Variants in GALNTL6 observed in about 807,000 individuals in gnomAD.
The protein encoded by GALNTL6 is polypeptide N-acetylgalactosaminyltransferase like 6.
In GALNTL6, 46 loss-of-function variants were observed where a neutral mutation model predicts 73.7. That is an observed-to-expected ratio of 0.62 (90% confidence interval 0.49 to 0.80). The LOEUF (loss-of-function observed/expected upper bound fraction) is 0.80, where lower values mean the gene tolerates loss of function less well. Ranked by LOEUF, GALNTL6 falls within the 30% of genes least tolerant of loss-of-function variation. The pLI, the probability that GALNTL6 is intolerant of heterozygous loss-of-function variation, is 0.00. For missense variants in GALNTL6, 604 were observed against 755.0 expected, an observed-to-expected ratio of 0.80 and a Z score of 2.34; for synonymous variants, 259 against 263.7, an observed-to-expected ratio of 0.98 and a Z score of 0.17.
chr4:171,933,932 G>GT (rs1738263968), intron 2 of GALNTL6, among the ~76,000 whole-genome samples: 1 of 152,198 alleles, frequency 6.6e-6, no homozygotes, highest in African/African-American at 2.4e-5. Context: ...ATAGACTATA[G>GT]TTTTTTCTCT....
intron 5 of GALNTL6, among the ~76,000 whole-genome samples, chr4:172,613,119 A>G (rs534371186): frequency 1.4e-4 from 21 of 152,278 alleles, no homozygotes; most frequent in South Asian, 4.1e-4. Context: ...AAGGTAGATA[A>G]GGCCTCAGCC....
intron 5 of GALNTL6, among the ~76,000 whole-genome samples, chr4:172,628,982 T>A (rs930718849): frequency 6.6e-6 from 1 of 152,198 alleles, no homozygotes; most frequent in African/African-American, 2.4e-5. Flanking sequence ...TGACCTCGTA[T>A]ATGCCACAAA....
At chr4:172,929,004 A>T (rs963761087) in intron 8 of GALNTL6, among the ~76,000 whole-genome samples, 1 of 152,144 alleles carries the variant, frequency 6.6e-6, no homozygotes, top group Non-Finnish European at 1.5e-5. Flanking sequence ...AGATCCTGGG[A>T]CAGGTGTTTA....
At chr4:172,869,076 C>A (rs539485756) in intron 7 of GALNTL6, among the ~76,000 whole-genome samples, 2 of 152,156 alleles carry the variant, frequency 1.3e-5, no homozygotes, top group South Asian at 2.1e-4. Flanking sequence ...TAATTGATTT[C>A]TTTGCTGTAT....
chr4:172,016,753 T>TAAGA (rs1741209194), intron 2 of GALNTL6, among the ~76,000 whole-genome samples: 1 of 134,828 alleles, frequency 7.4e-6, no homozygotes, highest in Admixed American at 7.2e-5. Flanking sequence ...ATTTTTCTTT[T>TAAGA]AATTTAATTT....
chr4:171,959,993 T>C (rs1739174594), intron 2 of GALNTL6, among the ~76,000 whole-genome samples: 1 of 152,194 alleles, frequency 6.6e-6, no homozygotes, highest in African/African-American at 2.4e-5. Flanking sequence ...GGAGAACATA[T>C]CTGAACAATT....
At chr4:172,856,359 C>T (rs961414497) in intron 7 of GALNTL6, among the ~76,000 whole-genome samples, 1 of 152,142 alleles carries the variant, frequency 6.6e-6, no homozygotes. Flanking sequence ...TATAACCTTC[C>T]ACATACAGCA....
intron 2 of GALNTL6, among the ~76,000 whole-genome samples, chr4:172,039,744 G>C (rs1478341792): frequency 2.0e-5 from 3 of 152,110 alleles, no homozygotes; most frequent in African/African-American, 7.2e-5. Context: ...CTAAGGTTAA[G>C]AAGATTAACC....
intron 5 of GALNTL6, among the ~76,000 whole-genome samples, chr4:172,411,990 A>G (rs890693480): frequency 6.6e-6 from 1 of 151,910 alleles, no homozygotes; most frequent in Non-Finnish European, 1.5e-5. Flanking sequence ...AAATAAAACA[A>G]GGAGTGGAGC....
intron 5 of GALNTL6, among the ~76,000 whole-genome samples, chr4:172,772,325 C>T (rs1457195744): frequency 6.6e-6 from 1 of 152,230 alleles, no homozygotes; most frequent in African/African-American, 2.4e-5. Flanking sequence ...CTCCAGTCTT[C>T]TCAGCACGTT....
chr4:171,940,314 A>G lies in GALNTL6; in HGVS notation c.138+125596A>G, dbSNP rs1377449551. 2.0e-5 allele frequency among the ~76,000 whole-genome samples: 3 copies of G among 147,442 alleles called. No individual in the cohort carries two copies. The East Asian group carries it at 5.8e-4, about 29-fold the overall frequency. ...GTGGGTGGAAATGGGGAGGGGATGC[A>G]AATAAGAATGTTGTATTCTTATTTG... On this transcript the variant is annotated intron_variant, in intron 2 of 12. Coordinates refer to ENST00000506823, the MANE Select transcript of GALNTL6 (RefSeq NM_001034845.3).
intron 5 of GALNTL6, among the ~76,000 whole-genome samples, chr4:172,546,788 A>ATATATATACATATATATACG (rs1735772787): frequency 1.1e-4 from 5 of 45,888 alleles, no homozygotes; most frequent in African/African-American, 3.3e-4. Context: ...TCCGCTTTAT[A>ATATATATACATATATATACG]TATATATACG....
intron 2 of GALNTL6, among the ~76,000 whole-genome samples, chr4:172,131,314 T>C (rs1223318911): frequency 6.6e-6 from 1 of 150,550 alleles, no homozygotes; most frequent in Non-Finnish European, 1.5e-5. Context: ...AAAGAAAATA[T>C]GAGGATCATA....
chr4:172,047,545 T>C (rs1328307084), intron 2 of GALNTL6, among the ~76,000 whole-genome samples: 1 of 152,144 alleles, frequency 6.6e-6, no homozygotes, highest in Non-Finnish European at 1.5e-5. Context: ...GCGACTGAGT[T>C]GCAGAGTAAA....
chr4:171,989,806 A>G, intron 2 of GALNTL6, among the ~76,000 whole-genome samples: 1 of 152,222 alleles, frequency 6.6e-6, no homozygotes. Flanking sequence ...TTTAAGGTCT[A>G]GGGCTGTAAA....
At chr4:172,928,768 T>C (rs1748183998) in intron 8 of GALNTL6, among the ~76,000 whole-genome samples, 1 of 152,234 alleles carries the variant, frequency 6.6e-6, no homozygotes, top group African/African-American at 2.4e-5. Context: ...ACATCTTTAG[T>C]TCTTTCAATT....
At chr4:172,753,889 T>C (rs1410571260) in intron 5 of GALNTL6, among the ~76,000 whole-genome samples, 3 of 152,174 alleles carry the variant, frequency 2.0e-5, no homozygotes, top group African/African-American at 7.2e-5. Context: ...GGCCCTTAAC[T>C]ACAAAGATGC....
At chr4:172,028,647 T>C (rs1360922780) in intron 2 of GALNTL6, among the ~76,000 whole-genome samples, 2 of 152,062 alleles carry the variant, frequency 1.3e-5, no homozygotes, top group African/African-American at 4.8e-5. Context: ...CATTGGTTGA[T>C]TTTCACAAAT....
At chr4:172,881,564 G>A (rs928158815) in intron 7 of GALNTL6, among the ~76,000 whole-genome samples, 2 of 152,102 alleles carry the variant, frequency 1.3e-5, no homozygotes, top group African/African-American at 2.4e-5. Flanking sequence ...TGTTCCCCAA[G>A]TGCTTCATAA....
Sources: gnomAD v4.1 joint callset for allele counts (sites outside exome capture counted in the v4.1 genomes callset) on GRCh38, gnomAD v4.1.1 for gene constraint, MANE v1.5 for transcripts, NCBI Gene and HGNC (gene_info 2026-07-23, HGNC 2026-07-21) for gene names.